AMN1: variants seen among roughly 807,000 people sequenced by gnomAD.
AMN1 encodes antagonist of mitotic exit network 1 homolog, also known as protein AMN1 homolog.
Under a neutral mutation model 33.0 loss-of-function variants are expected in AMN1, and 20 were observed. The ratio of observed to expected loss-of-function variants is 0.61; its 90% CI spans 0.43 to 0.88. The LOEUF is 0.88. Ranked by LOEUF, AMN1 falls within the 40% of genes least tolerant of loss-of-function variation. AMN1 has a pLI of 0.00. For missense variants in AMN1, 246 were observed against 307.4 expected (o/e 0.80, Z 1.49); for synonymous variants, 114 against 111.9 (o/e 1.02, Z -0.12).
chr12:31,700,790 A>C (rs1182263639), intron 3 of AMN1, among the ~76,000 whole-genome samples: 1 of 151,768 alleles, frequency 6.6e-6, no homozygotes, highest in Admixed American at 6.6e-5. Flanking sequence ...CCCCAGTTCA[A>C]GCGATTCTCC....
intron 1 of AMN1, among the ~76,000 whole-genome samples, chr12:31,716,223 C>T (rs1002773410): frequency 2.0e-5 from 3 of 152,146 alleles, no homozygotes; most frequent in African/African-American, 4.8e-5. Context: ...TTTTCACTAA[C>T]GTATAATATT....
At chr12:31,692,062 G>C (rs563485414) in intron 5 of AMN1, among the ~76,000 whole-genome samples, 2 of 151,772 alleles carry the variant, frequency 1.3e-5, no homozygotes, top group Non-Finnish European at 2.9e-5. Context: ...ATTTTTAGTA[G>C]AGACAGGGTT....
At chr12:31,672,412 CA>C in intron 6 of AMN1, 35 bp from the exon 7 acceptor site, 4 of 1,434,348 alleles carry the variant, frequency 2.8e-6, no homozygotes, top group Non-Finnish European at 2.9e-6. Flanking sequence ...TATTAATTGA[CA>C]ATAAAAAATG....
At chr12:31,678,239 A>T (rs1417092683) in intron 6 of AMN1, among the ~76,000 whole-genome samples, 2 of 152,122 alleles carry the variant, frequency 1.3e-5, no homozygotes, top group Non-Finnish European at 1.5e-5. Flanking sequence ...ATGATGGGTG[A>T]GGAAAGGTAT....
chr12:31,722,489 T>C (rs1939914466), intron 1 of AMN1, among the ~76,000 whole-genome samples: 1 of 152,022 alleles, frequency 6.6e-6, no homozygotes, highest in African/African-American at 2.4e-5. Context: ...TCCTTCACAC[T>C]CTCCTGGTCC....
intron 6 of AMN1, among the ~76,000 whole-genome samples, chr12:31,678,985 G>A (rs1041592816): frequency 9.2e-5 from 14 of 151,986 alleles, no homozygotes; most frequent in African/African-American, 2.7e-4. Context: ...TAATTAAAGG[G>A]AAACCCTGAA....
chr12:31,722,885 G>A (rs771826286), intron 1 of AMN1, among the ~76,000 whole-genome samples: 2 of 152,082 alleles, frequency 1.3e-5, no homozygotes, highest in South Asian at 2.1e-4. Flanking sequence ...CGCCTGGCAC[G>A]GTGGCTCACA....
intron 1 of AMN1, chr12:31,719,115 C>G (rs578072290): frequency 6.6e-6 from 1 of 152,586 alleles, no homozygotes. Context: ...GGAAATCCCC[C>G]GACCCCTTGC....
chr12:31,693,550 T>G (rs1565769405), intron 5 of AMN1, among the ~76,000 whole-genome samples: 2 of 144,512 alleles, frequency 1.4e-5, no homozygotes, highest in Admixed American at 1.4e-4. Context: ...TTCTTTTTTC[T>G]TTTTTTTTTT....
At chr12:31,675,071 A>G (rs1335493511) in intron 6 of AMN1, among the ~76,000 whole-genome samples, 2 of 151,694 alleles carry the variant, frequency 1.3e-5, no homozygotes, top group African/African-American at 4.9e-5. Flanking sequence ...TGCTCATTCA[A>G]CCAACTAGGA....
At chr12:31,694,481 C>G (rs995915913) in intron 5 of AMN1, among the ~76,000 whole-genome samples, 3 of 150,668 alleles carry the variant, frequency 2.0e-5, no homozygotes, top group African/African-American at 7.3e-5. Flanking sequence ...GACATGGTGG[C>G]TTATACCTGT....
intron 5 of AMN1, among the ~76,000 whole-genome samples, chr12:31,693,820 G>T (rs1253730365): frequency 1.3e-5 from 2 of 151,354 alleles, no homozygotes; most frequent in Non-Finnish European, 2.9e-5. Flanking sequence ...GGGATTACAG[G>T]TGTGAGCCAC....
intron 6 of AMN1, among the ~76,000 whole-genome samples, chr12:31,684,780 C>G (rs1343870018): frequency 1.3e-5 from 2 of 151,764 alleles, no homozygotes; most frequent in African/African-American, 4.8e-5. Context: ...CTGGGATCCT[C>G]AATAATTTTT....
At chr12:31,723,654 C>T (rs554381563) in intron 1 of AMN1, among the ~76,000 whole-genome samples, 1 of 152,268 alleles carries the variant, frequency 6.6e-6, no homozygotes, top group South Asian at 2.1e-4. Flanking sequence ...AGGTATTCAA[C>T]AGATGTTTCA....
chr12:31,727,436 T>C (rs1940118830), intron 1 of AMN1, among the ~76,000 whole-genome samples: 1 of 152,234 alleles, frequency 6.6e-6, no homozygotes, highest in Non-Finnish European at 1.5e-5. Context: ...TAAGATTCTA[T>C]TCCCAATGAC....
chr12:31,706,821 T>TA (rs1939261643), intron 2 of AMN1, among the ~76,000 whole-genome samples: 1 of 152,078 alleles, frequency 6.6e-6, no homozygotes, highest in South Asian at 2.1e-4. Context: ...CCTTTACTCT[T>TA]ACCACTACCA....
intron 1 of AMN1, chr12:31,715,315 G>A: frequency 4.8e-6 from 1 of 210,100 alleles, no homozygotes; most frequent in Non-Finnish European, 1.0e-5. Context: ...GAAGAGCGGG[G>A]AGAAAGTCAG....
intron 1 of AMN1, among the ~76,000 whole-genome samples, chr12:31,718,323 A>G (rs1939754307): frequency 6.6e-6 from 1 of 151,970 alleles, no homozygotes; most frequent in South Asian, 2.1e-4. Flanking sequence ...GTAACCTTTT[A>G]TCAAGGTTCT....
chr12:31,673,712 T>TA, intron 6 of AMN1: 1 of 386,806 alleles, frequency 2.6e-6, no homozygotes, highest in East Asian at 7.6e-5. Context: ...TAATGTAGAC[T>TA]AAAAAATGCT....
Sources: allele counts gnomAD v4.1 joint callset (sites outside exome capture counted in the v4.1 genomes callset), GRCh38; gene constraint gnomAD v4.1.1; transcripts MANE v1.5; gene names NCBI Gene and HGNC (gene_info 2026-07-23, HGNC 2026-07-21).